SEZ6L2: variants seen among roughly 807,000 people sequenced by gnomAD.
The protein encoded by SEZ6L2 is seizure 6-like protein 2.
A neutral mutation model predicts 97.0 loss-of-function variants in SEZ6L2; 44 were observed. That is an observed-to-expected ratio of 0.45 (90% confidence interval 0.36 to 0.58). The LOEUF is 0.58. SEZ6L2 is among the 20% of genes least tolerant of loss of function. The pLI is 0.00. For missense variants in SEZ6L2, 1,086 were observed against 1,233.3 expected, an observed-to-expected ratio of 0.88 and a Z score of 1.79; for synonymous variants, 543 against 546.1, an observed-to-expected ratio of 0.99 and a Z score of 0.08.
rs1347055780 is a variant in SEZ6L2 at position 29,897,927 on chromosome 16, A to C, written c.137T>G (p.Val46Gly). 3 of 1,613,640 alleles carry C rather than the reference A, an allele frequency of 1.9e-6. No individual in the cohort carries two copies. Among genetic ancestry groups the C allele is most frequent in the Non-Finnish European group, 1.7e-6 (2 of 1,179,718 alleles). The change falls in exon 2 of 18, where the codon GTG becomes GGG. Residue 46 changes from valine to glycine, a missense_variant. By Grantham distance (109) the Val-to-Gly change is moderately radical. This residue lies in a region of SEZ6L2 where 776 missense variants were observed against 794.7 expected (regional missense o/e 0.98). Transcript: ENST00000617533. ...LPEPGSETPT[V>G]ASEALAELLH... is the part of the protein sequence containing the mutation. ...CAGTTCAGCCAGGGCCTCAGAGGCC[A>C]CCGTGGGGGTCTCACTTCCAGGCTC...
chr16:29,890,319 C>A (rs1038305106), intron 5 of SEZ6L2, among the ~76,000 whole-genome samples: 1 of 152,162 alleles, frequency 6.6e-6, no homozygotes, highest in Non-Finnish European at 1.5e-5. Context: ...CAGGCCTTGT[C>A]CTCAGGAGTC....
intron 4 of SEZ6L2, 110 bp from the exon 5 acceptor site, chr16:29,895,570 C>A (rs2068367773): frequency 5.0e-6 from 7 of 1,413,570 alleles, no homozygotes; most frequent in Non-Finnish European, 6.7e-6. Context: ...AGGCACCACG[C>A]TGCTGCCCAA....
In SEZ6L2 at chr16:29,876,361, G is replaced by A. The variant is rs2067903117; in HGVS notation, c.2104+395C>T. Among the ~76,000 whole-genome samples the A allele has an allele frequency of 1.3e-5, 2 of 152,006 alleles. No individual in the cohort carries two copies. Among genetic ancestry groups the A allele is most frequent in the Admixed American group, 1.3e-4 (2 of 15,252 alleles). ...ACTGCGGGATTGGGGCGGGGCGTAG[G>A]ACAGGAAGGTGGAGCCAAGTGTGGA... On this transcript the variant is annotated intron_variant, in intron 12 of 17. Transcript: ENST00000617533. The surrounding 1 kb of genome is among the most constrained non-coding windows in gnomAD (Gnocchi z 6.5).
intron 8 of SEZ6L2, among the ~76,000 whole-genome samples, chr16:29,882,356 C>T (rs2068047705): frequency 6.6e-6 from 1 of 151,988 alleles, no homozygotes. Flanking sequence ...GCAGGTGAAT[C>T]ACCTGAGGTC....
At chr16:29,885,308 G>C (rs1440370430) in intron 8 of SEZ6L2, among the ~76,000 whole-genome samples, 1 of 152,198 alleles carries the variant, frequency 6.6e-6, no homozygotes, top group Non-Finnish European at 1.5e-5. Context: ...GATGAAGCCA[G>C]CACAGAGGAA....
In SEZ6L2 at chr16:29,873,762, AGG is replaced by A. The variant is rs753858941; in HGVS notation, c.2105-35_2105-34del. ...CAGAAGAACAAGGTCAGGGGGAGCG[AGG>A]GCCTTCAAAGATCAGCCTGGGCAAC... On this transcript the variant is annotated intron_variant, in intron 12 of 17. Transcript: ENST00000617533. This position sits in a 1 kb window ranked among gnomAD's most constrained non-coding sequence, Gnocchi z 4.3. The A allele has an allele frequency of 5.0e-5, 76 of 1,528,588 alleles. No homozygotes were observed. The highest frequency in any genetic ancestry group is 7.8e-5 in the Admixed American group (4 of 51,370). The allele number at this position is 1,528,588 out of a possible 1,614,324, so 94.7% of individuals were successfully genotyped here.
intron 5 of SEZ6L2, among the ~76,000 whole-genome samples, chr16:29,892,946 C>T (rs148970186): frequency 3.6e-4 from 55 of 152,338 alleles, no homozygotes; most frequent in African/African-American, 1.2e-3. Flanking sequence ...CAAATGCAGT[C>T]GTGCGTGAAT....
At position 29,897,865 on chromosome 16, in the gene SEZ6L2, C is replaced by T; in HGVS notation, c.199G>A (p.Gly67Ser). 6.2e-7 allele frequency: 1 copy of T among 1,604,722 alleles called. No homozygotes were observed. The highest frequency in any genetic ancestry group is 8.5e-7 in the Non-Finnish European group (1 of 1,177,238). The change falls in exon 2 of 18, where the codon GGC becomes AGC. Residue 67 changes from glycine (G) to serine (S), a missense_variant. Physicochemically the swap from Gly to Ser is moderately conservative, Grantham distance 56. Coordinates refer to ENST00000617533, the MANE Select transcript of SEZ6L2 (RefSeq NM_001243332.2). ...GALLRRGPEM[G>S]YLPGSDRDPT... is the part of the protein sequence containing the mutation. ...CTGGGGGCCTCACCTGGCAGGTAGC[C>T]CATCTCTGGGCCCCTCCTCAGCAGG...
chr16:29,878,158 C>T, intron 10 of SEZ6L2, 129 bp downstream of exon 10: 1 of 1,192,610 alleles, frequency 8.4e-7, no homozygotes, highest in Non-Finnish European at 1.1e-6. Context: ...CCTTAGTGCA[C>T]CAGCCTATCC....
chr16:29,888,057 C>T (rs1041946802), intron 6 of SEZ6L2, among the ~76,000 whole-genome samples: 9 of 152,086 alleles, frequency 5.9e-5, no homozygotes, highest in African/African-American at 1.7e-4. Context: ...ATGGAGACAC[C>T]ACTAAAATGA....
intron 5 of SEZ6L2, among the ~76,000 whole-genome samples, chr16:29,889,215 G>A (rs1267107167): frequency 6.6e-6 from 1 of 152,108 alleles, no homozygotes; most frequent in African/African-American, 2.4e-5. Flanking sequence ...GGCCGAGGCA[G>A]GTGGATCACG....
At chr16:29,882,719 C>G (rs1227644682) in intron 8 of SEZ6L2, among the ~76,000 whole-genome samples, 1 of 152,160 alleles carries the variant, frequency 6.6e-6, no homozygotes, top group East Asian at 1.9e-4. Context: ...TCCCAAGCAG[C>G]TGGGACCACA....
chr16:29,895,357 C>T lies in SEZ6L2; in HGVS notation c.755G>A (p.Gly252Glu). The change falls in exon 5 of 18, where the codon GGA becomes GAA. Residue 252 changes from glycine (G) to glutamate (E), a missense_variant. Physicochemically the swap from Gly to Glu is moderately conservative, Grantham distance 98. Around this residue, in one of 2 missense-constraint regions of SEZ6L2, gnomAD observed 776 missense variants for 794.7 expected, o/e 0.98. Coordinates refer to ENST00000617533, the MANE Select transcript of SEZ6L2 (RefSeq NM_001243332.2). Reference protein sequence around the residue: ...PRLLANSSMLGEGQVLRSPTN... With the variant: ...PRLLANSSMLEEGQVLRSPTN... ...TGGGCTCCGAAGGACTTGTCCTTCT[C>T]CAAGCATGGATGAGTTGGCCAGGAG... 6.2e-7 allele frequency: 1 copy of T among 1,614,108 alleles called. No homozygotes were observed.
At chr16:29,883,859 G>A (rs1367503480) in intron 8 of SEZ6L2, among the ~76,000 whole-genome samples, 1 of 152,058 alleles carries the variant, frequency 6.6e-6, no homozygotes, top group Non-Finnish European at 1.5e-5. Flanking sequence ...TTGAGCCCAG[G>A]AGGTTGAGGT....
In SEZ6L2 at chr16:29,879,545, C is replaced by T. The variant is rs974989527; in HGVS notation, c.1573+319G>A. ...CAGCCATGATCTACCTGTTTCTTGC[C>T]GCATCTAGGTCCTGTTGTGTTCAAT... is the stretch of plus-strand genomic sequence containing the variant. On this transcript the variant is annotated intron_variant, in intron 9 of 17. Transcript: ENST00000617533. 5.3e-5 allele frequency among the ~76,000 whole-genome samples: 8 copies of T among 152,224 alleles called. 1 individual carries two copies. The highest frequency in any genetic ancestry group is 2.0e-4 in the Admixed American group (3 of 15,292).
At position 29,876,773 on chromosome 16, in the gene SEZ6L2, G is replaced by A; in HGVS notation, c.2087C>T (p.Pro696Leu). 6.4e-7 allele frequency: 1 copy of A among 1,554,330 alleles called. No individual in the cohort carries two copies. Among genetic ancestry groups the A allele is most frequent in the Non-Finnish European group, 8.7e-7 (1 of 1,148,722 alleles). ...CQWDLSWSAA[P>L]PACQKIMTCA... ...CGGCTCACTCTTTTGGCAGGCGGGC[G>A]GCGCGGCGCTCCAAGACAGGTCCCA... Residue 696 changes from proline (P) to leucine (L), a missense_variant, in exon 12 of 18, where the codon CCG (proline) becomes CTG (leucine). Around this residue, in one of 2 missense-constraint regions of SEZ6L2, gnomAD observed 310 missense variants for 438.6 expected, o/e 0.71. Coordinates refer to ENST00000617533, the MANE Select transcript of SEZ6L2 (RefSeq NM_001243332.2). This position sits in a 1 kb window ranked among gnomAD's most constrained non-coding sequence, Gnocchi z 6.5.
In SEZ6L2 at chr16:29,896,874, C is replaced by A. The variant is rs140412141; in HGVS notation, c.459G>T (p.Thr153=). 10 of 1,613,924 alleles carry A rather than the reference C, an allele frequency of 6.2e-6. No individual in the cohort carries two copies. The highest frequency in any genetic ancestry group is 3.3e-5 in the Admixed American group (2 of 59,994). The change falls in exon 3 of 18, where the codon ACG becomes ACT. Residue 153 remains threonine (T), a synonymous_variant. Coordinates refer to ENST00000617533, the MANE Select transcript of SEZ6L2 (RefSeq NM_001243332.2). ...TTGTCGTGGTGATGATGGTGGTCGT[C>A]GTCTCCTCCTCTCCTCCCTCAGGCC... The part of the protein sequence containing the change: ...PLGPEGGEEE[T]TTTIITTTTV...
intron 4 of SEZ6L2, 37 bp downstream of exon 4, chr16:29,895,684 T>G (rs781196205): frequency 6.3e-7 from 1 of 1,594,318 alleles, no homozygotes; most frequent in Non-Finnish European, 8.6e-7. Flanking sequence ...AGGAAAAGGC[T>G]TGGAAGCTGC....
Position 29,871,440 on chromosome 16 carries a change from C to G in SEZ6L2, c.*259G>C. ...AGATTTGCAGGGAGGCAGAGTTCCC[C>G]TCCCAGAATCCAAAAGCCGGTAGGG... On this transcript the variant is annotated 3_prime_UTR_variant, in exon 18 of 18. Coordinates refer to ENST00000617533, the MANE Select transcript of SEZ6L2 (RefSeq NM_001243332.2). The G allele has an allele frequency of 1.7e-6, 1 of 577,808 alleles. No individual in the cohort carries two copies. Among genetic ancestry groups the G allele is most frequent in the Non-Finnish European group, 3.1e-6 (1 of 323,198 alleles). The allele number at this position is 577,808 out of a possible 1,614,324, so 35.8% of individuals were successfully genotyped here.
Sources: allele counts gnomAD v4.1 joint callset (sites outside exome capture counted in the v4.1 genomes callset), GRCh38; gene constraint gnomAD v4.1.1; regional missense constraint gnomAD v4.1.1; non-coding constraint Gnocchi (gnomAD v3.1); transcripts MANE v1.5; gene names NCBI Gene and HGNC (gene_info 2026-07-23, HGNC 2026-07-21).